The following COL22A1 variants were observed in gnomAD, a reference collection of about 807,000 sequenced individuals.
The protein encoded by COL22A1 is collagen type XXII alpha 1 chain, also known as collagen alpha-1(XXII) chain.
In COL22A1, 221 loss-of-function variants were observed where a neutral mutation model predicts 248.9. The observed-to-expected ratio is 0.89, with a 90% CI of 0.80 to 0.99. The LOEUF (loss-of-function observed/expected upper bound fraction) is 0.99. Among genes scored for constraint, COL22A1 ranks in the 50% least tolerant of loss-of-function variants. The pLI is 0.00. For missense variants in COL22A1, 2,240 were observed against 2,179.0 expected (o/e 1.03, Z -0.56); for synonymous variants, 891 against 793.4 (o/e 1.12, Z -2.07).
At chr8:138,753,228 C>T (rs1160506337) in intron 21 of COL22A1, among the ~76,000 whole-genome samples, 1 of 152,192 alleles carries the variant, frequency 6.6e-6, no homozygotes, top group Non-Finnish European at 1.5e-5. Flanking sequence ...GCAGGGCTAG[C>T]TCTACAAGCG....
At chr8:138,611,355 C>T (rs1818845248) in intron 56 of COL22A1, among the ~76,000 whole-genome samples, 1 of 152,188 alleles carries the variant, frequency 6.6e-6, no homozygotes, top group Admixed American at 6.5e-5. Context: ...TGCAGCAACT[C>T]ACCTAGTTCA....
intron 5 of COL22A1, among the ~76,000 whole-genome samples, chr8:138,829,919 CAT>C (rs1405898812): frequency 2.0e-5 from 3 of 152,128 alleles, no homozygotes; most frequent in African/African-American, 4.8e-5. Context: ...TATACACACA[CAT>C]ATGTGGGTAT....
intron 12 of COL22A1, among the ~76,000 whole-genome samples, chr8:138,782,429 G>A (rs993065996): frequency 6.6e-6 from 1 of 152,222 alleles, no homozygotes; most frequent in African/African-American, 2.4e-5. Context: ...TGTTGCCCAG[G>A]CAGGCCTCAA....
intron 1 of COL22A1, among the ~76,000 whole-genome samples, chr8:138,887,047 C>T (rs1824720734): frequency 6.6e-6 from 1 of 152,106 alleles, no homozygotes; most frequent in African/African-American, 2.4e-5. Context: ...ACTTATCCTT[C>T]GAGTCACAAG....
chr8:138,903,757 G>T (rs73353953), intron 1 of COL22A1, among the ~76,000 whole-genome samples: 122 of 152,330 alleles, frequency 8.0e-4, no homozygotes, highest in African/African-American at 2.8e-3. Context: ...CTAGGAGGTG[G>T]CAGGGGACCA....
chr8:138,744,115 A>T (rs1248310949), intron 22 of COL22A1, among the ~76,000 whole-genome samples: 1 of 152,240 alleles, frequency 6.6e-6, no homozygotes, highest in Non-Finnish European at 1.5e-5. Flanking sequence ...GAAATGAATC[A>T]AACAGTAGCC....
intron 1 of COL22A1, among the ~76,000 whole-genome samples, chr8:138,912,545 A>T (rs1815524574): frequency 6.6e-6 from 1 of 152,196 alleles, no homozygotes; most frequent in South Asian, 2.1e-4. Flanking sequence ...GTTGGAGACC[A>T]GTCTGACCAA....
At chr8:138,907,158 A>G (rs372934574) in intron 1 of COL22A1, among the ~76,000 whole-genome samples, 3 of 152,138 alleles carry the variant, frequency 2.0e-5, no homozygotes, top group South Asian at 2.1e-4. Flanking sequence ...ACCAAAAGAT[A>G]TTTCTCCATC....
intron 13 of COL22A1, 62 bp downstream of exon 13, chr8:138,780,865 T>C (rs928549891): frequency 1.2e-5 from 17 of 1,407,272 alleles, no homozygotes; most frequent in Non-Finnish European, 1.7e-5. Context: ...CACGGGGTTC[T>C]GACCAGGAGA....
chr8:138,623,627 G>T (rs1564109690), intron 52 of COL22A1, 105 bp downstream of exon 52: 1 of 904,124 alleles, frequency 1.1e-6, no homozygotes, highest in Non-Finnish European at 1.7e-6. Flanking sequence ...CATAGAAAAT[G>T]CCTATCTTCG....
At chr8:138,603,447 G>A (rs1017897359) in intron 59 of COL22A1, among the ~76,000 whole-genome samples, 1 of 152,182 alleles carries the variant, frequency 6.6e-6, no homozygotes, top group Admixed American at 6.5e-5. Flanking sequence ...CCTTGGATGG[G>A]AGAAGGTGGA....
In COL22A1 at chr8:138,591,521, C is replaced by T. The variant is rs367900842; in HGVS notation, c.4616-20G>A. On this transcript the variant is annotated intron_variant, in intron 63 of 64. Transcript: ENST00000303045. ...GCTCACCTGGGAAGAAAAACATGCA[C>T]TTTTGATGGTGGAGACCCCCGGGGA... The T allele has an allele frequency of 6.6e-7, 1 of 1,518,534 alleles. No individual in the cohort carries two copies. The highest frequency in any genetic ancestry group is 1.3e-5 in the South Asian group (1 of 77,166). The allele number at this position is 1,518,534 out of a possible 1,614,324, so 94.1% of individuals were successfully genotyped here.
At chr8:138,877,285 T>C (rs1417972482) in intron 3 of COL22A1, among the ~76,000 whole-genome samples, 2 of 152,246 alleles carry the variant, frequency 1.3e-5, no homozygotes, top group Non-Finnish European at 2.9e-5. Flanking sequence ...TGAATGCTTC[T>C]TGCGTGATCC....
chr8:138,902,735 TATATACAC>T (rs1346785211), intron 1 of COL22A1, among the ~76,000 whole-genome samples: 86 of 90,344 alleles, frequency 9.5e-4, no homozygotes, highest in African/African-American at 3.6e-3. Context: ...AATATATATA[TATATACAC>T]ACACACACAC....
intron 7 of COL22A1, among the ~76,000 whole-genome samples, chr8:138,819,442 T>C (rs1818923616): frequency 6.6e-6 from 1 of 151,906 alleles, no homozygotes; most frequent in Non-Finnish European, 1.5e-5. Flanking sequence ...CCAGTCTCAA[T>C]GGTAATCAGG....
intron 1 of COL22A1, among the ~76,000 whole-genome samples, chr8:138,906,908 C>T (rs755911982): frequency 1.3e-5 from 2 of 152,196 alleles, no homozygotes; most frequent in Non-Finnish European, 2.9e-5. Flanking sequence ...CCGCCTCGGC[C>T]TCCCAAAGTG....
At chr8:138,826,572 G>A in intron 6 of COL22A1, 86 bp downstream of exon 6, 2 of 1,435,494 alleles carry the variant, frequency 1.4e-6, no homozygotes, top group South Asian at 1.2e-5. Flanking sequence ...AAGAGCCCTG[G>A]AGAAAACATG....
intron 18 of COL22A1, among the ~76,000 whole-genome samples, chr8:138,756,129 C>T (rs957754502): frequency 4.6e-5 from 7 of 152,186 alleles, no homozygotes; most frequent in African/African-American, 1.7e-4. Flanking sequence ...TCAGGGCCCT[C>T]ACCAGCCTCT....
intron 1 of COL22A1, among the ~76,000 whole-genome samples, chr8:138,909,872 A>AT (rs1467655009): frequency 6.6e-6 from 1 of 152,154 alleles, no homozygotes; most frequent in Admixed American, 6.6e-5. Context: ...CTAATAACCA[A>AT]TAAGTCCTGA....
Sources: allele counts gnomAD v4.1 joint callset (sites outside exome capture counted in the v4.1 genomes callset), GRCh38; gene constraint gnomAD v4.1.1; transcripts MANE v1.5; gene names NCBI Gene and HGNC (gene_info 2026-07-23, HGNC 2026-07-21).